SCN9A: variants seen among roughly 807,000 people sequenced by gnomAD.
SCN9A encodes sodium voltage-gated channel alpha subunit 9.
In SCN9A, 131 loss-of-function variants were observed where a neutral mutation model predicts 187.0. The ratio of observed to expected loss-of-function variants is 0.70; its 90% confidence interval spans 0.61 to 0.81. The LOEUF is 0.81. Among genes scored for constraint, SCN9A ranks in the 30% least tolerant of loss-of-function variants. SCN9A has a pLI of 0.00. For synonymous variants in SCN9A, 809 were observed against 808.6 expected (o/e 1.00, Z -0.01); for missense variants, 2,252 against 2,396.6 (o/e 0.94, Z 1.26).
chr2:166,270,392 G>C (rs1696921953), intron 17 of SCN9A, among the ~76,000 whole-genome samples: 1 of 151,570 alleles, frequency 6.6e-6, no homozygotes, highest in Non-Finnish European at 1.5e-5. Context: ...TAAAGGAATT[G>C]AGCATCTGCA....
chr2:166,278,016 T>C (rs907047866), intron 15 of SCN9A, 124 bp downstream of exon 15: 21 of 670,192 alleles, frequency 3.1e-5, no homozygotes, highest in Admixed American at 3.0e-4. Context: ...GATTTTATTT[T>C]ACTAGATATC....
At chr2:166,365,500 G>A (rs553992440) in intron 1 of SCN9A, among the ~76,000 whole-genome samples, 9 of 152,220 alleles carry the variant, frequency 5.9e-5, no homozygotes, top group Admixed American at 1.3e-4. Flanking sequence ...CTCGACGCAG[G>A]TTAGTAATCC....
intron 1 of SCN9A, among the ~76,000 whole-genome samples, chr2:166,372,097 T>A (rs1275678373): frequency 6.6e-6 from 1 of 151,664 alleles, no homozygotes; most frequent in Non-Finnish European, 1.5e-5. Context: ...TGTGTGTGTG[T>A]GTGTGAGTGT....
At chr2:166,372,091 T>TGC (rs1025149142) in intron 1 of SCN9A, among the ~76,000 whole-genome samples, 1 of 151,850 alleles carries the variant, frequency 6.6e-6, no homozygotes, top group African/African-American at 2.4e-5. Flanking sequence ...AGTGTGTGTG[T>TGC]GTGTGTGTGT....
intron 25 of SCN9A, 25 bp downstream of exon 25, chr2:166,204,335 G>A: frequency 6.4e-7 from 1 of 1,570,930 alleles, no homozygotes; most frequent in Non-Finnish European, 8.7e-7. Context: ...AAATCTATAT[G>A]CTAAAGATAT....
At chr2:166,203,782 C>T (rs191184365) in intron 26 of SCN9A, among the ~76,000 whole-genome samples, 173 bp downstream of exon 26, 1 of 151,916 alleles carries the variant, frequency 6.6e-6, no homozygotes, top group African/African-American at 2.4e-5. Context: ...CCCAGAAACA[C>T]TGTAGTATGA....
chr2:166,217,459 T>A (rs1025228883), intron 24 of SCN9A, among the ~76,000 whole-genome samples: 1 of 152,146 alleles, frequency 6.6e-6, no homozygotes, highest in South Asian at 2.1e-4. Flanking sequence ...AAACCATACA[T>A]CTGATAAAGG....
Position 166,362,810 on chromosome 2 carries a change from C to T in SCN9A, c.-51+12887G>A, listed in dbSNP as rs144066296. Among the ~76,000 whole-genome samples the T allele has an allele frequency of 1.1e-4, 16 of 152,032 alleles. No homozygotes were observed. The East Asian group carries it at 1.7e-3, about 16-fold the overall frequency. ...GATAAAGCAAGTGCATAGGCAAAAA[C>T]GGTTCACAACAATTCAATGACAAAG... is the stretch of plus-strand genomic sequence containing the variant. On this transcript the variant is annotated intron_variant, in intron 1 of 26. Transcript: ENST00000642356.
chr2:166,210,680 T>C (rs185281092), intron 24 of SCN9A, among the ~76,000 whole-genome samples: 2 of 152,168 alleles, frequency 1.3e-5, no homozygotes, highest in Admixed American at 1.3e-4. Context: ...AAATATTTTT[T>C]AAATGACTAA....
At chr2:166,280,643 A>G (rs960293740) in intron 13 of SCN9A, 48 bp from the exon 14 acceptor site, 2 of 1,055,518 alleles carry the variant, frequency 1.9e-6, no homozygotes, top group Non-Finnish European at 2.8e-6. Flanking sequence ...TGTCTGTTTC[A>G]CTCCTAACCA....
chr2:166,229,178 C>G (rs1694977828), intron 21 of SCN9A, among the ~76,000 whole-genome samples: 1 of 152,114 alleles, frequency 6.6e-6, no homozygotes, highest in African/African-American at 2.4e-5. Flanking sequence ...GACATGAACT[C>G]TGTGATCACC....
chr2:166,309,419 T>A (rs1429610901), intron 2 of SCN9A, among the ~76,000 whole-genome samples: 2 of 152,210 alleles, frequency 1.3e-5, no homozygotes, highest in Non-Finnish European at 2.9e-5. Flanking sequence ...GATCACTGTG[T>A]CATGTCCAAA....
chr2:166,275,546 T>G (rs1379870891), intron 16 of SCN9A, among the ~76,000 whole-genome samples: 1 of 150,502 alleles, frequency 6.6e-6, no homozygotes, highest in Non-Finnish European at 1.5e-5. Flanking sequence ...ATCACATCAT[T>G]GCACTCCAGC....
At position 166,198,017 on chromosome 2, in the gene SCN9A, A is replaced by G. The variant is rs1277813436; in HGVS notation, c.*655T>C. 6.6e-6 allele frequency: 1 copy of G among 152,246 alleles called. No homozygotes were observed. Among genetic ancestry groups the G allele is most frequent in the Non-Finnish European group, 1.5e-5 (1 of 68,038 alleles). The allele number at this position is 152,246 out of a possible 1,614,324, so 9.4% of individuals were successfully genotyped here. A position where few individuals can be genotyped will look rare whatever the true frequency, so the allele number is the denominator to read the frequency against. On this transcript the variant is annotated 3_prime_UTR_variant, in exon 27 of 27. Coordinates refer to ENST00000642356, the MANE Select transcript of SCN9A (RefSeq NM_001365536.1). ...TCTTATCCTTGTTGGCATGTGAGTC[A>G]AGATGAATGAAAAACATTTGTAGAA...
At chr2:166,259,735 C>T (rs1394446223) in intron 17 of SCN9A, among the ~76,000 whole-genome samples, 2 of 151,594 alleles carry the variant, frequency 1.3e-5, no homozygotes, top group Non-Finnish European at 3.0e-5. Flanking sequence ...ACATTTTAAA[C>T]AGCATTGCAA....
At chr2:166,271,820 T>C (rs112699024) in intron 17 of SCN9A, among the ~76,000 whole-genome samples, 50 of 151,954 alleles carry the variant, frequency 3.3e-4, no homozygotes, top group African/African-American at 1.1e-3. Context: ...ATAGCACCAC[T>C]GTACTCCAGA....
intron 20 of SCN9A, 127 bp from the exon 21 acceptor site, chr2:166,233,589 A>C: frequency 1.8e-6 from 1 of 566,198 alleles, no homozygotes; most frequent in Non-Finnish European, 2.9e-6. Context: ...GGAGTTGTGT[A>C]GTCAATGCCT....
At chr2:166,237,533 T>G (rs2106402239) in intron 20 of SCN9A, among the ~76,000 whole-genome samples, 1 of 152,200 alleles carries the variant, frequency 6.6e-6, no homozygotes, top group Middle Eastern at 3.4e-3. Flanking sequence ...CTCATTTTGG[T>G]TTTTCCTATA....
Position 166,204,198 on chromosome 2 carries a change from G to A in SCN9A, c.4531C>T (p.Leu1511=). The A allele has an allele frequency of 6.2e-7, 1 of 1,611,708 alleles. No homozygotes were observed. Residue 1511 remains leucine, a synonymous_variant, in exon 26 of 27, where the codon CTA becomes TTA. Transcript: ENST00000642356. ...GNKIQGCIFD[L]VTNQAFDISI... is the part of the protein sequence containing the mutation. ...ATATCAAAGGCTTGATTTGTCACTA[G>A]GTCAAATATACATCCTTGGATTTTG...
Sources: allele counts gnomAD v4.1 joint callset (sites outside exome capture counted in the v4.1 genomes callset), GRCh38; gene constraint gnomAD v4.1.1; transcripts MANE v1.5; gene names NCBI Gene and HGNC (gene_info 2026-07-23, HGNC 2026-07-21).